The following IFT43 variants were observed in gnomAD, a reference collection of about 807,000 sequenced individuals.
The protein encoded by IFT43 is intraflagellar transport 43.
A neutral mutation model predicts 32.3 loss-of-function variants in IFT43; 33 were observed. The ratio of observed to expected loss-of-function variants is 1.02; its 90% CI spans 0.77 to 1.37. The LOEUF (loss-of-function observed/expected upper bound fraction) is 1.37, where lower values mean the gene tolerates loss of function less well. IFT43 is among the 40% of genes most tolerant of loss of function. IFT43 has a pLI of 0.00. For synonymous variants in IFT43, 93 were observed against 98.2 expected (o/e 0.95, Z 0.31); for missense variants, 274 against 265.9 (o/e 1.03, Z -0.21).
chr14:75,988,811 C>G, intron 1 of IFT43, 74 bp from the exon 2 acceptor site: 1 of 1,608,956 alleles, frequency 6.2e-7, no homozygotes, highest in Non-Finnish European at 8.5e-7. Context: ...AGCCACTGCG[C>G]CCGGCTGGAT....
chr14:76,001,349 A>T (rs549122731), intron 2 of IFT43, among the ~76,000 whole-genome samples: 30 of 152,260 alleles, frequency 2.0e-4, no homozygotes, highest in Non-Finnish European at 3.8e-4. Context: ...CTTTCTTCAG[A>T]GACCTTGTTA....
At chr14:76,044,347 A>G (rs371061147) in intron 3 of IFT43, among the ~76,000 whole-genome samples, 1 of 152,304 alleles carries the variant, frequency 6.6e-6, no homozygotes, top group East Asian at 1.9e-4. Context: ...GCCACAAAGC[A>G]TATTTTAAAG....
intron 5 of IFT43, among the ~76,000 whole-genome samples, chr14:76,070,778 C>G (rs552846423): frequency 5.3e-5 from 8 of 152,104 alleles, no homozygotes; most frequent in African/African-American, 1.7e-4. Context: ...CCCCACCCCT[C>G]CCTCTTGCTC....
chr14:76,031,490 A>G (rs1360260213), intron 3 of IFT43, among the ~76,000 whole-genome samples: 1 of 152,222 alleles, frequency 6.6e-6, no homozygotes, highest in Non-Finnish European at 1.5e-5. Flanking sequence ...GTGTTAAGCG[A>G]AAACAAGAAG....
At chr14:76,048,946 A>G (rs2036860743) in intron 3 of IFT43, among the ~76,000 whole-genome samples, 1 of 152,172 alleles carries the variant, frequency 6.6e-6, no homozygotes, top group South Asian at 2.1e-4. Flanking sequence ...GGTGAGTCTC[A>G]GTGTATTTAT....
At chr14:76,024,290 C>G (rs1213807804) in intron 3 of IFT43, among the ~76,000 whole-genome samples, 4 of 152,188 alleles carry the variant, frequency 2.6e-5, no homozygotes, top group Admixed American at 2.0e-4. Flanking sequence ...AGACTTCTTC[C>G]TACGACATAC....
chr14:76,069,769 G>A (rs1290354913), intron 5 of IFT43, among the ~76,000 whole-genome samples: 1 of 152,218 alleles, frequency 6.6e-6, no homozygotes, highest in Admixed American at 6.5e-5. Flanking sequence ...TCAGTCTTGT[G>A]TTTAACCATT....
Position 75,999,549 on chromosome 14 carries a change from A to G in IFT43, c.147+10572A>G, listed in dbSNP as rs527689950. Among the ~76,000 whole-genome samples, 22 of 152,180 alleles carry G rather than the reference A, an allele frequency of 1.4e-4. No individual in the cohort carries two copies. In the South Asian group the frequency reaches 4.4e-3, roughly 30 times the overall value. On this transcript the variant is annotated intron_variant, in intron 2 of 8. Transcript: ENST00000314067. ...ATGAACAAGAAAACTTCATATTCTA[A>G]GTGGGGAACCACACACCTATACCAA...
At position 76,022,349 on chromosome 14, in the gene IFT43, G is replaced by T. The variant is rs774922293; in HGVS notation, c.170G>T (p.Arg57Leu). ...TAGACTTCCTCTGCTAAATTACCTC[G>T]CTGCCGACAGGGAGGCTGGGCAGGT... The part of the protein sequence containing the change: ...TGETSSAKLP[R>L]CRQGGWAGDS... Residue 57 changes from arginine (R) to leucine (L), a missense_variant, in exon 3 of 9, where the codon CGC becomes CTC. Arg to Leu is a moderately radical substitution (Grantham distance 102). Transcript: ENST00000314067. The T allele has an allele frequency of 6.8e-6, 11 of 1,613,034 alleles. No individual in the cohort carries two copies. The highest frequency in any genetic ancestry group is 9.3e-6 in the Non-Finnish European group (11 of 1,179,240).
intron 2 of IFT43, among the ~76,000 whole-genome samples, chr14:75,999,250 TATATATATATATATATATATATG>T (rs2035816521): frequency 3.3e-3 from 26 of 7,982 alleles, no homozygotes; most frequent in African/African-American, 0.011. Flanking sequence ...TATATATATA[TATATATATATATATATATATATG>T]TATATATATT....
intron 3 of IFT43, among the ~76,000 whole-genome samples, chr14:76,026,750 TATATC>T (rs1308195337): frequency 6.6e-6 from 1 of 152,106 alleles, no homozygotes; most frequent in African/African-American, 2.4e-5. Context: ...CCCAAAATAA[TATATC>T]ATTTTATTAT....
intron 2 of IFT43, among the ~76,000 whole-genome samples, chr14:76,006,618 T>G (rs988594467): frequency 6.6e-6 from 1 of 152,184 alleles, no homozygotes; most frequent in Non-Finnish European, 1.5e-5. Context: ...CTTATCCCGG[T>G]TTGTGTCCTT....
In IFT43 at chr14:76,082,619, T is replaced by C; in HGVS notation, c.371T>C (p.Ile124Thr). 1.2e-6 allele frequency: 2 copies of C among 1,614,166 alleles called. No homozygotes were observed. Among genetic ancestry groups the C allele is most frequent in the Non-Finnish European group, 1.7e-6 (2 of 1,180,018 alleles). Residue 124 changes from isoleucine to threonine, a missense_variant and splice_region_variant, in exon 7 of 9, where the codon ATC becomes ACC. Ile to Thr is a moderately conservative substitution (Grantham distance 89). Coordinates refer to ENST00000314067, the MANE Select transcript of IFT43 (RefSeq NM_001102564.3). ...FVLQVAAPPS[I>T]QIKRVMTYRD... ...CTCTCGCTCTCTCTTTCCTTCAGCA[T>C]CCAGATAAAGCGGGTGATGACCTAC...
intron 4 of IFT43, chr14:76,059,020 G>T: frequency 1.4e-6 from 2 of 1,423,064 alleles, no homozygotes; most frequent in Non-Finnish European, 1.8e-6. Flanking sequence ...TATCAGAAAA[G>T]AAAGAAGTTT....
chr14:76,016,996 G>T (rs572881846), intron 2 of IFT43, among the ~76,000 whole-genome samples: 31 of 152,074 alleles, frequency 2.0e-4, no homozygotes, highest in African/African-American at 7.2e-4. Flanking sequence ...CTGCAAAGAG[G>T]GACAATTTCA....
intron 5 of IFT43, among the ~76,000 whole-genome samples, chr14:76,074,839 C>A (rs549754118): frequency 6.6e-6 from 1 of 152,234 alleles, no homozygotes; most frequent in African/African-American, 2.4e-5. Context: ...TGAGGCCTGA[C>A]TGACCTCAGA....
intron 5 of IFT43, among the ~76,000 whole-genome samples, chr14:76,065,241 C>T (rs1441642880): frequency 2.6e-5 from 4 of 152,228 alleles, no homozygotes; most frequent in Non-Finnish European, 5.9e-5. Flanking sequence ...TGTCCACCAA[C>T]ATCACCATCA....
At chr14:76,009,195 A>G (rs1306490795) in intron 2 of IFT43, among the ~76,000 whole-genome samples, 1 of 152,212 alleles carries the variant, frequency 6.6e-6, no homozygotes, top group Non-Finnish European at 1.5e-5. Context: ...CATCTGCTTC[A>G]TTGCAAAGCT....
chr14:76,019,886 G>A (rs2036257861), intron 2 of IFT43, among the ~76,000 whole-genome samples: 1 of 151,506 alleles, frequency 6.6e-6, no homozygotes, highest in South Asian at 2.1e-4. Flanking sequence ...GACTTCTTCA[G>A]TTCCAGGATT....
Sources: allele counts gnomAD v4.1 joint callset (sites outside exome capture counted in the v4.1 genomes callset), GRCh38; gene constraint gnomAD v4.1.1; transcripts MANE v1.5; gene names NCBI Gene and HGNC (gene_info 2026-07-23, HGNC 2026-07-21).